STX7: variants seen among roughly 807,000 people sequenced by gnomAD.
The protein encoded by STX7 is syntaxin-7.
Under a neutral mutation model 39.6 loss-of-function variants are expected in STX7, and 34 were observed. That is an observed-to-expected ratio of 0.86 (90% CI 0.65 to 1.14). STX7 has a LOEUF of 1.14. STX7 is among the 50% of genes most tolerant of loss of function. The probability of loss-of-function intolerance (pLI) is 0.00; values close to 1 mark genes in which losing one functional copy is unlikely to be tolerated. For missense variants in STX7, 284 were observed against 310.4 expected (o/e 0.92, Z 0.64); for synonymous variants, 119 against 99.1 (o/e 1.20, Z -1.19).
intron 9 of STX7, among the ~76,000 whole-genome samples, 195 bp from the exon 10 acceptor site, chr6:132,461,045 A>G (rs1407457260): frequency 6.6e-6 from 1 of 152,198 alleles, no homozygotes; most frequent in Non-Finnish European, 1.5e-5. Context: ...CTTTCAAAAA[A>G]ATTCTTGAAC....
chr6:132,472,176 C>T (rs1017649565), intron 4 of STX7, 106 bp downstream of exon 4: 22 of 786,050 alleles, frequency 2.8e-5, no homozygotes, highest in Non-Finnish European at 4.2e-5. Context: ...TTTTTGATTT[C>T]CTTTCTAGCA....
chr6:132,461,724 CA>C (rs1181723148), intron 9 of STX7: 28 of 1,115,870 alleles, frequency 2.5e-5, no homozygotes, highest in Non-Finnish European at 3.2e-5. Flanking sequence ...CAAACAAAAC[CA>C]CAGAGCAAAC....
rs1308207445 is a variant in STX7 at position 132,447,195 on chromosome 6, G to A, written c.*13563C>T. On this transcript the variant is annotated 3_prime_UTR_variant, in exon 10 of 10. Coordinates refer to ENST00000367941, the MANE Select transcript of STX7 (RefSeq NM_003569.3). Reference sequence around the variant, plus strand: ...AACACCCTAAGATGGAACTTACTGTGTAGTGGAAAGAGTTAGACTCACTAG... The same window carrying A: ...AACACCCTAAGATGGAACTTACTGTATAGTGGAAAGAGTTAGACTCACTAG... 6.6e-6 allele frequency: 1 copy of A among 152,138 alleles called. No homozygotes were observed. Among genetic ancestry groups the A allele is most frequent in the Non-Finnish European group, 1.5e-5 (1 of 68,032 alleles). The allele number at this position is 152,138 out of a possible 1,614,324, so 9.4% of individuals were successfully genotyped here. A position where few individuals can be genotyped will look rare whatever the true frequency, so the allele number is the denominator to read the frequency against.
At chr6:132,503,626 G>GT (rs1775632692) in intron 1 of STX7, 38 bp from the exon 2 acceptor site, 1 of 900,148 alleles carries the variant, frequency 1.1e-6, no homozygotes, top group East Asian at 2.6e-5. Context: ...TATTTTTTAA[G>GT]TTACTGGCTT....
rs1014808323 is a variant in STX7, at chr6:132,446,880, C to G, written c.*13878G>C. 2.0e-5 allele frequency: 3 copies of G among 152,102 alleles called. No individual in the cohort carries two copies. Among genetic ancestry groups the G allele is most frequent in the African/African-American group, 7.2e-5 (3 of 41,426 alleles). The allele number at this position is 152,102 out of a possible 1,614,324, so 9.4% of individuals were successfully genotyped here. On this transcript the variant is annotated 3_prime_UTR_variant, in exon 10 of 10. Coordinates refer to ENST00000367941, the MANE Select transcript of STX7 (RefSeq NM_003569.3). Reference sequence around the variant, plus strand: ...CTGATTTATGTAAAGCAGTGCCTATCATTTCTGCAGTTAGGATGGAGTCAA... The same window carrying G: ...CTGATTTATGTAAAGCAGTGCCTATGATTTCTGCAGTTAGGATGGAGTCAA...
Position 132,450,348 on chromosome 6 carries a change from T to C in STX7, c.*10410A>G, listed in dbSNP as rs1196447663. ...TATTCATTTTCTGTTTTGTGATATATTGGCATAAAGTTGTTTATAGTGTCT... is the reference window on the plus strand; with the variant it reads ...TATTCATTTTCTGTTTTGTGATATACTGGCATAAAGTTGTTTATAGTGTCT... On this transcript the variant is annotated 3_prime_UTR_variant, in exon 10 of 10. Transcript: ENST00000367941. The C allele has an allele frequency of 6.6e-6, 1 of 152,224 alleles. No individual in the cohort carries two copies. The highest frequency in any genetic ancestry group is 1.5e-5 in the Non-Finnish European group (1 of 68,034). 9.4% of individuals were successfully genotyped at this position (152,224 alleles called of 1,614,324 possible). A position where few individuals can be genotyped will look rare whatever the true frequency, so the allele number is the denominator to read the frequency against.
intron 2 of STX7, among the ~76,000 whole-genome samples, chr6:132,492,546 G>A (rs1204337095): frequency 6.6e-6 from 1 of 152,038 alleles, no homozygotes; most frequent in African/African-American, 2.4e-5. Context: ...ACTCACACAG[G>A]GAATGAACAT....
At chr6:132,501,466 G>GCCAT (rs1775557406) in intron 2 of STX7, among the ~76,000 whole-genome samples, 1 of 152,112 alleles carries the variant, frequency 6.6e-6, no homozygotes, top group South Asian at 2.1e-4. Flanking sequence ...CTACCAACCT[G>GCCAT]CCATAAATAT....
intron 1 of STX7, among the ~76,000 whole-genome samples, chr6:132,509,520 A>T (rs868286320): frequency 2.0e-5 from 3 of 149,884 alleles, no homozygotes; most frequent in Non-Finnish European, 4.4e-5. Flanking sequence ...AACATAAAAT[A>T]AAAAAAGACA....
rs907267135 is a variant in STX7 at position 132,448,758 on chromosome 6, A to G, written c.*12000T>C. On this transcript the variant is annotated 3_prime_UTR_variant, in exon 10 of 10. Coordinates refer to ENST00000367941, the MANE Select transcript of STX7 (RefSeq NM_003569.3). ...GAGGCTGAGGCAGGAGAATCAATTG[A>G]ACCCGGGAAATGGAGGTTGCAGTGA... 1 of 150,666 alleles carries G rather than the reference A, an allele frequency of 6.6e-6. No homozygotes were observed. Among genetic ancestry groups the G allele is most frequent in the African/African-American group, 2.4e-5 (1 of 40,930 alleles). The allele number at this position is 150,666 out of a possible 1,614,324, so 9.3% of individuals were successfully genotyped here. A position where few individuals can be genotyped will look rare whatever the true frequency, so the allele number is the denominator to read the frequency against.
rs2114318929 is a variant in STX7 at position 132,451,219 on chromosome 6, C to CA, written c.*9538_*9539insT. 1 of 151,928 alleles carries CA rather than the reference C, an allele frequency of 6.6e-6. No individual in the cohort carries two copies. The highest frequency in any genetic ancestry group is 2.1e-4 in the South Asian group (1 of 4,812). The allele number at this position is 151,928 out of a possible 1,614,324, so 9.4% of individuals were successfully genotyped here. On this transcript the variant is annotated 3_prime_UTR_variant, in exon 10 of 10. Transcript: ENST00000367941. ...TCAAGTGATTCTCCTGCCTCAGCTT[C>CA]CCAAATGGCTGGGATTACAGATGTG...
chr6:132,460,877 C>G, intron 9 of STX7, 27 bp from the exon 10 acceptor site: 1 of 1,589,658 alleles, frequency 6.3e-7, no homozygotes, highest in Non-Finnish European at 8.6e-7. Flanking sequence ...CAAAACAAAA[C>G]AAAAAAACAT....
At position 132,451,978 on chromosome 6, in the gene STX7, T is replaced by A. The variant is rs1019921814; in HGVS notation, c.*8780A>T. 1 of 152,168 alleles carries A rather than the reference T, an allele frequency of 6.6e-6. No individual in the cohort carries two copies. Among genetic ancestry groups the A allele is most frequent in the East Asian group, 1.9e-4 (1 of 5,194 alleles). The allele number at this position is 152,168 out of a possible 1,614,324, so 9.4% of individuals were successfully genotyped here. A position where few individuals can be genotyped will look rare whatever the true frequency, so the allele number is the denominator to read the frequency against. On this transcript the variant is annotated 3_prime_UTR_variant, in exon 10 of 10. Transcript: ENST00000367941. ...AACCAGTATGTCGCATTAAAACAGA[T>A]GCAAAAATCCTTAACAAAATATTAG...
chr6:132,467,276 C>T (rs911160095), intron 8 of STX7, among the ~76,000 whole-genome samples: 3 of 152,150 alleles, frequency 2.0e-5, no homozygotes, highest in Non-Finnish European at 4.4e-5. Flanking sequence ...CCTTTGTACT[C>T]GCTGTTCTCT....
intron 8 of STX7, among the ~76,000 whole-genome samples, chr6:132,465,991 A>G (rs1002459205): frequency 6.6e-6 from 1 of 152,098 alleles, no homozygotes; most frequent in African/African-American, 2.4e-5. Context: ...AAAACCTCTC[A>G]TTTATTCCAC....
intron 3 of STX7, among the ~76,000 whole-genome samples, chr6:132,473,001 T>C (rs767155123): frequency 1.3e-5 from 2 of 151,922 alleles, no homozygotes; most frequent in Non-Finnish European, 2.9e-5. Flanking sequence ...CTACCAAAAA[T>C]AACAAAAATT....
At chr6:132,474,306 T>C (rs1327247785) in intron 3 of STX7, among the ~76,000 whole-genome samples, 1 of 149,780 alleles carries the variant, frequency 6.7e-6, no homozygotes, top group Non-Finnish European at 1.5e-5. Context: ...TCTATCAAAA[T>C]ATTAGAACTT....
chr6:132,470,694 C>T, intron 5 of STX7, 68 bp from the exon 6 acceptor site: 1 of 1,100,342 alleles, frequency 9.1e-7, no homozygotes, highest in Non-Finnish European at 1.4e-6. Context: ...AAAATAAACA[C>T]TCATATTTTC....
At chr6:132,466,348 GTCTTTT>G (rs1205633481) in intron 8 of STX7, among the ~76,000 whole-genome samples, 43 of 152,156 alleles carry the variant, frequency 2.8e-4, no homozygotes, top group Non-Finnish European at 4.0e-4. Flanking sequence ...CTATTCCTTA[GTCTTTT>G]TATTTGTTCT....
Sources: allele counts gnomAD v4.1 joint callset (sites outside exome capture counted in the v4.1 genomes callset), GRCh38; gene constraint gnomAD v4.1.1; transcripts MANE v1.5; gene names NCBI Gene and HGNC (gene_info 2026-07-23, HGNC 2026-07-21).